The following SYTL5 variants were observed in gnomAD, a reference collection of about 807,000 sequenced individuals.
SYTL5 encodes synaptotagmin-like protein 5.
Under a neutral mutation model 55.9 loss-of-function variants are expected in SYTL5, and 34 were observed. That is an observed-to-expected ratio of 0.61 (90% CI 0.46 to 0.81). The LOEUF is 0.81. Ranked by LOEUF, SYTL5 falls within the 30% of genes least tolerant of loss-of-function variation. SYTL5 has a pLI of 0.00. For synonymous variants in SYTL5, 221 were observed against 188.7 expected, an observed-to-expected ratio of 1.17 and a Z score of -1.40; for missense variants, 637 against 546.7, an observed-to-expected ratio of 1.17 and a Z score of -1.65.
At chrX:37,890,367 T>G in the SYTL5 span, among the ~76,000 whole-genome samples, 3 of 112,064 alleles carry the variant, frequency 2.7e-5, no homozygotes, top group Admixed American at 2.8e-4. Context: ...AGTTAATCAC[T>G]TCTGTCTTTA....
the SYTL5 span, among the ~76,000 whole-genome samples, chrX:38,000,417 T>C: frequency 8.9e-6 from 1 of 112,236 alleles, no homozygotes; most frequent in Non-Finnish European, 1.9e-5. Context: ...AGTTCCCTTG[T>C]CCCCCTCACA....
chrX:37,977,699 ATC>A, the SYTL5 span, among the ~76,000 whole-genome samples: 2 of 57,400 alleles, frequency 3.5e-5, no homozygotes, highest in East Asian at 1.1e-3. Context: ...GGGACCAATG[ATC>A]ACACACACAC....
chrX:37,967,872 A>C, the SYTL5 span, among the ~76,000 whole-genome samples: 1 of 107,754 alleles, frequency 9.3e-6, no homozygotes, highest in East Asian at 3.0e-4. Flanking sequence ...AAGTGCTAGG[A>C]TTATAGGCAT....
At chrX:37,955,503 G>T in the SYTL5 span, among the ~76,000 whole-genome samples, 1 of 111,914 alleles carries the variant, frequency 8.9e-6, no homozygotes, top group Non-Finnish European at 1.9e-5. Flanking sequence ...AACATCGTCT[G>T]TATTGTGTTA....
chrX:37,892,584 C>A, the SYTL5 span, among the ~76,000 whole-genome samples: 5 of 86,382 alleles, frequency 5.8e-5, no homozygotes, highest in Middle Eastern at 0.01. Flanking sequence ...GTATATATAC[C>A]AATATTAGTA....
upstream of SYTL5, among the ~76,000 whole-genome samples, chrX:38,006,100 A>G (rs149854963): frequency 3.8e-4 from 43 of 112,052 alleles, no homozygotes; most frequent in African/African-American, 1.2e-3. Flanking sequence ...TGACTCCAGT[A>G]CTTACTAACT....
intron 3 of SYTL5, among the ~76,000 whole-genome samples, chrX:38,065,467 C>A (rs192082040): frequency 1.8e-5 from 2 of 111,924 alleles, no homozygotes; most frequent in East Asian, 5.6e-4. Flanking sequence ...ATATGCAATT[C>A]TAGATTGATA....
the SYTL5 span, among the ~76,000 whole-genome samples, chrX:37,931,722 T>C: frequency 8.9e-6 from 1 of 112,148 alleles, no homozygotes; most frequent in Non-Finnish European, 1.9e-5. Context: ...TTTTAGGTCA[T>C]GGCTTTGAAA....
At chrX:38,005,259 AG>A (rs1338248786), upstream of SYTL5, among the ~76,000 whole-genome samples, 9 of 111,440 alleles carry the variant, frequency 8.1e-5, no homozygotes, top group Admixed American at 8.6e-4. Context: ...TACTCCTCAG[AG>A]GGAGATAGCA....
the SYTL5 span, among the ~76,000 whole-genome samples, chrX:37,927,465 G>C: frequency 9.0e-6 from 1 of 111,080 alleles, no homozygotes; most frequent in Non-Finnish European, 1.9e-5. Context: ...TGGAGGAGAT[G>C]GTGGTATGCA....
At chrX:37,900,650 G>A in the SYTL5 span, among the ~76,000 whole-genome samples, 1 of 112,061 alleles carries the variant, frequency 8.9e-6, no homozygotes, top group East Asian at 2.8e-4. Flanking sequence ...TTTACATGTA[G>A]TGGCATCATT....
upstream of SYTL5, among the ~76,000 whole-genome samples, chrX:38,003,413 G>A (rs1226997856): frequency 9.0e-6 from 1 of 111,410 alleles, no homozygotes; most frequent in Admixed American, 9.6e-5. Context: ...AAAATCACAA[G>A]CATTTTTATA....
At chrX:37,929,054 T>G in the SYTL5 span, among the ~76,000 whole-genome samples, 2 of 112,711 alleles carry the variant, frequency 1.8e-5, no homozygotes, top group East Asian at 5.5e-4. Context: ...TGAGCTTTTG[T>G]GTACACAAGA....
intron 14 of SYTL5, among the ~76,000 whole-genome samples, chrX:38,121,419 C>T (rs1030348477): frequency 3.6e-5 from 4 of 112,107 alleles, no homozygotes; most frequent in African/African-American, 6.5e-5. Context: ...TCACTATCAC[C>T]TGACCTCAAT....
At chrX:38,001,403 C>G in the SYTL5 span, among the ~76,000 whole-genome samples, 1 of 111,712 alleles carries the variant, frequency 9.0e-6, no homozygotes, top group African/African-American at 3.3e-5. Flanking sequence ...TTTATTCTTT[C>G]TATTTTTTGC....
At chrX:37,974,311 C>T in the SYTL5 span, among the ~76,000 whole-genome samples, 3 of 111,994 alleles carry the variant, frequency 2.7e-5, no homozygotes, top group Non-Finnish European at 3.8e-5. Flanking sequence ...AAAACATTAT[C>T]GTAAGTGAAT....
chrX:38,111,409 A>G (rs1458752088), intron 13 of SYTL5, among the ~76,000 whole-genome samples: 1 of 112,230 alleles, frequency 8.9e-6, no homozygotes, highest in Non-Finnish European at 1.9e-5. Flanking sequence ...TAAGCTCTCA[A>G]TAAGTGCTAG....
chrX:38,110,496 T>C lies in SYTL5; in HGVS notation c.1596+14T>C. The C allele has an allele frequency of 8.6e-7, 1 of 1,160,559 alleles. No homozygotes were observed. The highest frequency in any genetic ancestry group is 1.2e-6 in the Non-Finnish European group (1 of 864,342). ...CTTCAACCCAAGGTAGGAAATGCTC[T>C]CAGATTAGTCAGTTATGCAATGAGA... On this transcript the variant is annotated intron_variant, in intron 13 of 16. Coordinates refer to ENST00000297875, the MANE Select transcript of SYTL5 (RefSeq NM_138780.3).
At chrX:38,119,434 GTA>G (rs1284747371) in intron 13 of SYTL5, among the ~76,000 whole-genome samples, 4 of 112,219 alleles carry the variant, frequency 3.6e-5, no homozygotes, top group African/African-American at 1.3e-4. Flanking sequence ...AAATCATAAA[GTA>G]TATGTCATTT....
Sources: gnomAD v4.1 joint callset for allele counts (sites outside exome capture counted in the v4.1 genomes callset) on GRCh38, gnomAD v4.1.1 for gene constraint, MANE v1.5 for transcripts, NCBI Gene and HGNC (gene_info 2026-07-23, HGNC 2026-07-21) for gene names.